The following BCAS3 variants were observed in gnomAD, a reference collection of about 807,000 sequenced individuals.
The protein encoded by BCAS3 is BCAS3 microtubule associated cell migration factor, also known as BCAS4/BCAS3 fusion.
BCAS3 carries 53 observed loss-of-function variants against 116.1 expected under a neutral mutation model. That is an observed-to-expected ratio of 0.46 (90% confidence interval 0.37 to 0.57). BCAS3 has a LOEUF of 0.57. BCAS3 is among the 20% of genes least tolerant of loss of function. The pLI is 0.00. For missense variants in BCAS3, 917 were observed against 1,165.4 expected, an observed-to-expected ratio of 0.79 and a Z score of 3.10; for synonymous variants, 391 against 408.2, an observed-to-expected ratio of 0.96 and a Z score of 0.51.
intron 19 of BCAS3, among the ~76,000 whole-genome samples, chr17:61,061,596 C>G (rs995186404): frequency 6.6e-6 from 1 of 152,192 alleles, no homozygotes; most frequent in Non-Finnish European, 1.5e-5. Context: ...TGATTATTTA[C>G]CTTTACAACA....
intron 22 of BCAS3, among the ~76,000 whole-genome samples, chr17:61,246,494 A>AAG (rs2047963557): frequency 1.3e-5 from 2 of 150,626 alleles, no homozygotes; most frequent in East Asian, 3.9e-4. Flanking sequence ...AAAAAAAAAA[A>AAG]AAAGATTTAT....
chr17:60,790,824 G>A (rs981378358), intron 6 of BCAS3, among the ~76,000 whole-genome samples: 27 of 143,838 alleles, frequency 1.9e-4, no homozygotes, highest in Admixed American at 3.6e-4. Context: ...GCTCACTGCA[G>A]CCTCTGCCTC....
In BCAS3 at chr17:61,380,711, G is replaced by T. The variant is rs551527752; in HGVS notation, c.2594-11266G>T. ...GGGCAGGGGTCAGCTCAGATGGGAGGTCTCTTCTGGAAGGGGACTGGTTTG... is the reference window on the plus strand; with the variant it reads ...GGGCAGGGGTCAGCTCAGATGGGAGTTCTCTTCTGGAAGGGGACTGGTTTG... On this transcript the variant is annotated intron_variant, in intron 23 of 23. Transcript: ENST00000407086. The surrounding 1 kb of genome is among the most constrained non-coding windows in gnomAD (Gnocchi z 4.2). 8 of 716,636 alleles carry T rather than the reference G, an allele frequency of 1.1e-5. No homozygotes were observed. The highest frequency in any genetic ancestry group is 1.9e-5 in the Non-Finnish European group (8 of 423,958). 44.4% of individuals were successfully genotyped at this position (716,636 alleles called of 1,614,324 possible).
In BCAS3 at chr17:60,948,359, C is replaced by T. The variant is rs1180819922; in HGVS notation, c.1221+1007C>T. 3.9e-5 allele frequency among the ~76,000 whole-genome samples: 6 copies of T among 152,174 alleles called. No individual in the cohort carries two copies. The East Asian group carries it at 5.8e-4, about 15-fold the overall frequency. ...CAAGCTGGTCTCAAACTCCTGGCCT[C>T]GTGATCCACCCACTTCAGCCTCCCA... On this transcript the variant is annotated intron_variant, in intron 14 of 23. Transcript: ENST00000407086.
In BCAS3 at chr17:61,261,696, A is replaced by G. The variant is rs2049218606; in HGVS notation, c.2426-106631A>G. Among the ~76,000 whole-genome samples, 1 of 152,184 alleles carries G rather than the reference A, an allele frequency of 6.6e-6. No individual in the cohort carries two copies. Among genetic ancestry groups the G allele is most frequent in the Non-Finnish European group, 1.5e-5 (1 of 68,034 alleles). ...GAATTGGTTGAACCTTATTGTTTAA[A>G]TTAGCTATACCCCAGCCAAAGCTCA... On this transcript the variant is annotated intron_variant, in intron 22 of 23. Coordinates refer to ENST00000407086, the MANE Select transcript of BCAS3 (RefSeq NM_017679.5). The surrounding 1 kb of genome is among the most constrained non-coding windows in gnomAD (Gnocchi z 4.4).
At chr17:61,107,786 G>T (rs541608981) in intron 22 of BCAS3, among the ~76,000 whole-genome samples, 3 of 152,214 alleles carry the variant, frequency 2.0e-5, no homozygotes, top group Non-Finnish European at 2.9e-5. Context: ...CTGTTTCCAG[G>T]TTATGGCTAT....
Position 61,118,816 on chromosome 17 carries a change from AACTT to A in BCAS3, c.2425+34253_2425+34256del, listed in dbSNP as rs1484754336. ...AATAACCTTTACCAATATGGGGACT[AACTT>A]CGCAGGATTCTGGTGCTGATATTTG... On this transcript the variant is annotated intron_variant, in intron 22 of 23. Transcript: ENST00000407086. The surrounding 1 kb of genome is among the most constrained non-coding windows in gnomAD (Gnocchi z 5.0). Among the ~76,000 whole-genome samples the A allele has an allele frequency of 1.3e-5, 2 of 152,070 alleles. No homozygotes were observed. The highest frequency in any genetic ancestry group is 4.8e-5 in the African/African-American group (2 of 41,408).
chr17:60,708,357 T>A (rs547790875), intron 4 of BCAS3, among the ~76,000 whole-genome samples: 1 of 149,980 alleles, frequency 6.7e-6, no homozygotes, highest in African/African-American at 2.4e-5. Context: ...TGTGGAGAAT[T>A]GATGTTATTA....
rs986117900 is a variant in BCAS3, at chr17:61,151,024, A to C, written c.2425+66460A>C. Among the ~76,000 whole-genome samples the C allele has an allele frequency of 6.6e-6, 1 of 152,206 alleles. No individual in the cohort carries two copies. The highest frequency in any genetic ancestry group is 1.5e-5 in the Non-Finnish European group (1 of 68,032). ...GAGCCACAGACTTCTGTGTAGCCACATCTAGACAACTGAATTTCACTTACA... is the reference window on the plus strand; with the variant it reads ...GAGCCACAGACTTCTGTGTAGCCACCTCTAGACAACTGAATTTCACTTACA... On this transcript the variant is annotated intron_variant, in intron 22 of 23. Transcript: ENST00000407086. This position sits in a 1 kb window ranked among gnomAD's most constrained non-coding sequence, Gnocchi z 4.8.
intron 13 of BCAS3, among the ~76,000 whole-genome samples, chr17:60,930,599 G>C (rs1362667372): frequency 6.6e-6 from 1 of 152,050 alleles, no homozygotes; most frequent in Admixed American, 6.6e-5. Flanking sequence ...GGGATTACAG[G>C]TGTGCGCCAC....
chr17:61,375,696 C>T (rs2059304743), intron 23 of BCAS3, among the ~76,000 whole-genome samples: 1 of 151,960 alleles, frequency 6.6e-6, no homozygotes, highest in African/African-American at 2.4e-5. Flanking sequence ...CCTCAGCCTC[C>T]TGGGTAGCGT....
At chr17:61,369,573 G>T (rs1217182198) in intron 23 of BCAS3, among the ~76,000 whole-genome samples, 1 of 152,168 alleles carries the variant, frequency 6.6e-6, no homozygotes, top group South Asian at 2.1e-4. Context: ...TAGGTTTATG[G>T]TCAGGCGTTT....
rs190644579 is a variant in BCAS3, at chr17:61,027,726, C to T, written c.1638-6940C>T. 3.4e-4 allele frequency among the ~76,000 whole-genome samples: 52 copies of T among 151,932 alleles called. No individual in the cohort carries two copies. In the East Asian group the frequency reaches 9.5e-3, roughly 28 times the overall value. On this transcript the variant is annotated intron_variant, in intron 16 of 23. Transcript: ENST00000407086. ...TTGGGGGGAGTTTTCTAAAACCTTT[C>T]TATTTCTTATTTCCTTATGTATTAA...
In BCAS3 at chr17:61,227,636, T is replaced by A. The variant is rs534956221; in HGVS notation, c.2426-140691T>A. On this transcript the variant is annotated intron_variant, in intron 22 of 23. Coordinates refer to ENST00000407086, the MANE Select transcript of BCAS3 (RefSeq NM_017679.5). The surrounding 1 kb of genome is among the most constrained non-coding windows in gnomAD (Gnocchi z 6.1). ...AGACAGGTGGGAAGCCAAGGAAGAATAAATTGGGCATAGGTCCTGTTAATT... is the reference window on the plus strand; with the variant it reads ...AGACAGGTGGGAAGCCAAGGAAGAAAAAATTGGGCATAGGTCCTGTTAATT... 1.3e-5 allele frequency among the ~76,000 whole-genome samples: 2 copies of A among 152,290 alleles called. No homozygotes were observed. Among genetic ancestry groups the A allele is most frequent in the African/African-American group, 4.8e-5 (2 of 41,566 alleles).
intron 6 of BCAS3, among the ~76,000 whole-genome samples, chr17:60,777,072 G>C (rs1049664741): frequency 6.6e-6 from 1 of 151,242 alleles, no homozygotes. Flanking sequence ...GTGTGTGTGC[G>C]TGTGTATATA....
intron 3 of BCAS3, among the ~76,000 whole-genome samples, chr17:60,687,025 A>T (rs996420486): frequency 6.6e-6 from 1 of 152,194 alleles, no homozygotes. Flanking sequence ...CACTATGGAA[A>T]TTATTTTCTC....
chr17:60,964,361 A>G lies in BCAS3; in HGVS notation c.1221+17009A>G, dbSNP rs1052944873. Among the ~76,000 whole-genome samples the G allele has an allele frequency of 6.6e-6, 1 of 152,272 alleles. No individual in the cohort carries two copies. The highest frequency in any genetic ancestry group is 2.1e-4 in the South Asian group (1 of 4,820). On this transcript the variant is annotated intron_variant, in intron 14 of 23. Coordinates refer to ENST00000407086, the MANE Select transcript of BCAS3 (RefSeq NM_017679.5). This position sits in a 1 kb window ranked among gnomAD's most constrained non-coding sequence, Gnocchi z 4.6. ...TTTATTGAGTTGCTTATGTTGAACC[A>G]TCCTTGCATCCCTGGAATGAATCCC...
At chr17:60,950,658 C>T (rs573538090) in intron 14 of BCAS3, among the ~76,000 whole-genome samples, 1 of 152,278 alleles carries the variant, frequency 6.6e-6, no homozygotes, top group South Asian at 2.1e-4. Context: ...GAATTATTTA[C>T]AGGTGAACAG....
chr17:60,858,775 T>G (rs544883722), intron 7 of BCAS3, among the ~76,000 whole-genome samples: 1 of 152,314 alleles, frequency 6.6e-6, no homozygotes, highest in African/African-American at 2.4e-5. Flanking sequence ...TTTAAAATTT[T>G]AGTCATTCTA....
Sources: gnomAD v4.1 joint callset for allele counts (sites outside exome capture counted in the v4.1 genomes callset) on GRCh38, gnomAD v4.1.1 for gene constraint, Gnocchi (gnomAD v3.1) non-coding constraint, MANE v1.5 for transcripts, NCBI Gene and HGNC (gene_info 2026-07-23, HGNC 2026-07-21) for gene names.